Variants in LSAMP observed in about 807,000 individuals in gnomAD.
The protein encoded by LSAMP is limbic system-associated membrane protein.
Under a neutral mutation model 38.6 loss-of-function variants are expected in LSAMP, and 7 were observed. That is an observed-to-expected ratio of 0.18 (90% CI 0.10 to 0.34). The LOEUF (loss-of-function observed/expected upper bound fraction) is 0.34. Among genes scored for constraint, LSAMP ranks in the 10% least tolerant of loss-of-function variants. The pLI, the probability that LSAMP is intolerant of heterozygous loss-of-function variation, is 1.00. For synonymous variants in LSAMP, 154 were observed against 166.8 expected (o/e 0.92, Z 0.59); for missense variants, 313 against 420.0 (o/e 0.75, Z 2.23).
intron 2 of LSAMP, among the ~76,000 whole-genome samples, chr3:116,024,912 C>T (rs1006273063): frequency 3.3e-5 from 5 of 151,670 alleles, no homozygotes; most frequent in Admixed American, 3.3e-4. Flanking sequence ...GAACCAAAAC[C>T]TACAATTTGT....
chr3:115,927,585 C>G (rs1656920864), intron 3 of LSAMP, among the ~76,000 whole-genome samples: 1 of 152,158 alleles, frequency 6.6e-6, no homozygotes, highest in Non-Finnish European at 1.5e-5. Flanking sequence ...TTCTGCATTC[C>G]TCCTTTTCTT....
Position 116,110,820 on chromosome 3 carries a change from G to A in LSAMP, c.156-24264C>T, listed in dbSNP as rs968096264. Among the ~76,000 whole-genome samples the A allele has an allele frequency of 7.9e-5, 12 of 152,294 alleles. No homozygotes were observed. The South Asian group carries it at 1.2e-3, about 16-fold the overall frequency. The stretch of plus-strand genomic sequence containing the variant: ...CAAATTTCATGCGCGTCCGTGTGAA[G>A]AGACCACCAAACAGGCTTTGTGTAA... On this transcript the variant is annotated intron_variant, in intron 1 of 6. Coordinates refer to ENST00000490035, the MANE Select transcript of LSAMP (RefSeq NM_002338.5).
At chr3:116,400,200 T>A (rs977632887) in intron 1 of LSAMP, among the ~76,000 whole-genome samples, 31 of 152,280 alleles carry the variant, frequency 2.0e-4, no homozygotes, top group African/African-American at 6.3e-4. Context: ...AGTTTTCTAA[T>A]GAGGTTTCCC....
intron 1 of LSAMP, among the ~76,000 whole-genome samples, chr3:116,246,665 C>A (rs541496743): frequency 6.6e-6 from 1 of 152,324 alleles, no homozygotes; most frequent in Non-Finnish European, 1.5e-5. Flanking sequence ...ATTCTCTTAG[C>A]TCCACAAGCA....
intron 1 of LSAMP, among the ~76,000 whole-genome samples, chr3:116,404,819 C>G (rs150958791): frequency 0.013 from 1,953 of 152,088 alleles, 24 homozygotes; most frequent in Non-Finnish European, 0.017. Flanking sequence ...ATATTTTTTC[C>G]TAGAAATTTT....
intron 6 of LSAMP, among the ~76,000 whole-genome samples, chr3:115,822,959 T>C (rs1934294362): frequency 6.6e-6 from 1 of 152,224 alleles, no homozygotes; most frequent in Non-Finnish European, 1.5e-5. Flanking sequence ...CCTAGACAGA[T>C]GGTGTTAATT....
intron 3 of LSAMP, among the ~76,000 whole-genome samples, chr3:115,884,419 CAT>C (rs558581387): frequency 5.7e-4 from 86 of 152,156 alleles, no homozygotes; most frequent in Non-Finnish European, 9.7e-4. Context: ...AAGGGCAACT[CAT>C]AGTTGAATTT....
intron 1 of LSAMP, among the ~76,000 whole-genome samples, chr3:116,330,020 T>C (rs1019225379): frequency 3.3e-5 from 5 of 152,208 alleles, no homozygotes; most frequent in Non-Finnish European, 7.3e-5. Flanking sequence ...CCAATAACTT[T>C]AATCAAAAGG....
intron 1 of LSAMP, among the ~76,000 whole-genome samples, chr3:116,436,389 A>T (rs1408213779): frequency 6.6e-6 from 1 of 152,214 alleles, no homozygotes; most frequent in East Asian, 1.9e-4. Flanking sequence ...AGCAAAAGGA[A>T]CAGTCAGCAG....
intron 2 of LSAMP, among the ~76,000 whole-genome samples, chr3:116,038,976 TAA>T (rs1941107493): frequency 6.6e-6 from 1 of 152,168 alleles, no homozygotes; most frequent in Non-Finnish European, 1.5e-5. Context: ...AGAGGGAGGA[TAA>T]AAACAACCTA....
At chr3:116,212,502 C>G (rs1364369707) in intron 1 of LSAMP, among the ~76,000 whole-genome samples, 1 of 151,848 alleles carries the variant, frequency 6.6e-6, no homozygotes, top group Admixed American at 6.6e-5. Flanking sequence ...ACCATTTACC[C>G]TGTTAAGGCT....
At chr3:115,925,674 T>C (rs1399093089) in intron 3 of LSAMP, among the ~76,000 whole-genome samples, 1 of 152,234 alleles carries the variant, frequency 6.6e-6, no homozygotes, top group African/African-American at 2.4e-5. Context: ...TTGAAAGTTC[T>C]TTGAATTAAA....
chr3:116,195,034 A>T (rs1576424295), intron 1 of LSAMP, among the ~76,000 whole-genome samples: 1 of 152,218 alleles, frequency 6.6e-6, no homozygotes, highest in Non-Finnish European at 1.5e-5. Flanking sequence ...AACTGGGTTC[A>T]TTCAGAGAGA....
chr3:116,075,599 T>C (rs1221557371), intron 2 of LSAMP, among the ~76,000 whole-genome samples: 1 of 151,284 alleles, frequency 6.6e-6, no homozygotes, highest in African/African-American at 2.4e-5. Context: ...TGGAGTGCAG[T>C]GGCACAATCT....
intron 1 of LSAMP, among the ~76,000 whole-genome samples, chr3:116,199,443 A>T (rs1464805258): frequency 6.6e-6 from 1 of 152,116 alleles, no homozygotes; most frequent in Non-Finnish European, 1.5e-5. Flanking sequence ...CTTTTATTTT[A>T]TCCCCGCTGA....
At position 116,216,967 on chromosome 3, in the gene LSAMP, C is replaced by T. The variant is rs550791583; in HGVS notation, c.156-130411G>A. On this transcript the variant is annotated intron_variant, in intron 1 of 6. Transcript: ENST00000490035. ...GATGGTTTAGTGGTTAAGATAAGCA[C>T]TTAAAGTGAGGCTGTTCTTATTCTA... Among the ~76,000 whole-genome samples the T allele has an allele frequency of 5.9e-5, 9 of 152,306 alleles. No individual in the cohort carries two copies. The South Asian group carries it at 1.7e-3, about 28-fold the overall frequency.
chr3:116,408,731 A>G (rs1322619299), intron 1 of LSAMP, among the ~76,000 whole-genome samples: 1 of 152,110 alleles, frequency 6.6e-6, no homozygotes, highest in Non-Finnish European at 1.5e-5. Context: ...CTCCAAAGTC[A>G]ATGCTTTTCT....
rs1348803727 is a variant in LSAMP at position 116,078,573 on chromosome 3, G to A, written c.388+7751C>T. ...GATCTCCTGACCTTGTGATCCACCCGCCTCGGCCTCCCAGAGTGCTGGGAT... is the reference window on the plus strand; with the variant it reads ...GATCTCCTGACCTTGTGATCCACCCACCTCGGCCTCCCAGAGTGCTGGGAT... On this transcript the variant is annotated intron_variant, in intron 2 of 6. Transcript: ENST00000490035. Among the ~76,000 whole-genome samples, 9 of 152,068 alleles carry A rather than the reference G, an allele frequency of 5.9e-5. No homozygotes were observed. In the East Asian group the frequency reaches 7.7e-4, roughly 13 times the overall value.
chr3:115,982,972 T>C (rs1939408194), intron 3 of LSAMP, among the ~76,000 whole-genome samples: 1 of 148,344 alleles, frequency 6.7e-6, no homozygotes, highest in Non-Finnish European at 1.5e-5. Context: ...AGGCAAAGTA[T>C]GAATAGCTTG....
Sources: gnomAD v4.1 joint callset for allele counts (sites outside exome capture counted in the v4.1 genomes callset) on GRCh38, gnomAD v4.1.1 for gene constraint, MANE v1.5 for transcripts, NCBI Gene and HGNC (gene_info 2026-07-23, HGNC 2026-07-21) for gene names.